SMU1: variants seen among roughly 807,000 people sequenced by gnomAD.
The protein encoded by SMU1 is WD40 repeat-containing protein SMU1.
Under a neutral mutation model 62.0 loss-of-function variants are expected in SMU1, and 2 were observed. That is an observed-to-expected ratio of 0.03 (90% CI 0.01 to 0.10). The LOEUF is 0.10. SMU1 is among the 10% of genes least tolerant of loss of function. The pLI is 1.00. For missense variants in SMU1, 227 were observed against 622.1 expected, an observed-to-expected ratio of 0.36 and a Z score of 6.76; for synonymous variants, 188 against 212.4, an observed-to-expected ratio of 0.89 and a Z score of 1.00.
chr9:33,059,786 A>AT (rs1389199378), intron 6 of SMU1, among the ~76,000 whole-genome samples: 2 of 150,222 alleles, frequency 1.3e-5, no homozygotes, highest in Admixed American at 6.6e-5. Flanking sequence ...TTTTTAGTTT[A>AT]TTTTTAGTAG....
intron 10 of SMU1, among the ~76,000 whole-genome samples, chr9:33,049,284 C>G (rs1489629461): frequency 6.6e-6 from 1 of 152,010 alleles, no homozygotes; most frequent in African/African-American, 2.4e-5. Flanking sequence ...ATACAAAGCC[C>G]AGAAATACAC....
rs1210112956 is a variant in SMU1 at position 33,045,582 on chromosome 9, T to G, written c.*1711A>C. 1 of 152,448 alleles carries G rather than the reference T, an allele frequency of 6.6e-6. No individual in the cohort carries two copies. Among genetic ancestry groups the G allele is most frequent in the Non-Finnish European group, 1.5e-5 (1 of 68,230 alleles). 9.4% of individuals were successfully genotyped at this position (152,448 alleles called of 1,614,324 possible). A position where few individuals can be genotyped will look rare whatever the true frequency, so the allele number is the denominator to read the frequency against. On this transcript the variant is annotated 3_prime_UTR_variant, in exon 12 of 12. Transcript: ENST00000397149. ...TTACAAGGCTGGGCGCAGTGGCTCATGCCTGTAATCCCAGCACTTTGGGAG... is the reference window on the plus strand; with the variant it reads ...TTACAAGGCTGGGCGCAGTGGCTCAGGCCTGTAATCCCAGCACTTTGGGAG...
chr9:33,073,548 G>A, intron 2 of SMU1, 48 bp downstream of exon 2: 3 of 1,410,224 alleles, frequency 2.1e-6, no homozygotes, highest in Non-Finnish European at 3.0e-6. Context: ...TGGGGAGCTG[G>A]CCCACAACGA....
At chr9:33,054,342 C>T (rs918492397) in intron 9 of SMU1, among the ~76,000 whole-genome samples, 1 of 152,030 alleles carries the variant, frequency 6.6e-6, no homozygotes, top group African/African-American at 2.4e-5. Context: ...TAGCTTGAGA[C>T]TCTATCCTGA....
chr9:33,074,235 G>A (rs1248406183), intron 1 of SMU1, among the ~76,000 whole-genome samples: 1 of 152,152 alleles, frequency 6.6e-6, no homozygotes, highest in Admixed American at 6.6e-5. Flanking sequence ...GGCTGAGGCA[G>A]GAGGATTGGC....
intron 3 of SMU1, among the ~76,000 whole-genome samples, chr9:33,070,401 T>C (rs1267762462): frequency 6.6e-6 from 1 of 152,112 alleles, no homozygotes; most frequent in Non-Finnish European, 1.5e-5. Context: ...GGTGAGTAAG[T>C]GGAGAAAAAG....
rs1034517874 is a variant in SMU1 at position 33,069,098 on chromosome 9, T to G, written c.391-164A>C. ...AACTAATTTAGTTTTTGAAAATGAC[T>G]TCCCAATTCTGCCCGCTTGCATTTC... On this transcript the variant is annotated intron_variant, in intron 3 of 11. Transcript: ENST00000397149. The G allele has an allele frequency of 8.9e-6, 7 of 788,542 alleles. No homozygotes were observed. In the African/African-American group the frequency reaches 1.3e-4, roughly 15 times the overall value. The allele number at this position is 788,542 out of a possible 1,614,324, so 48.8% of individuals were successfully genotyped here.
At chr9:33,073,222 T>A (rs939510167) in intron 2 of SMU1, among the ~76,000 whole-genome samples, 16 of 151,850 alleles carry the variant, frequency 1.1e-4, no homozygotes, top group Admixed American at 2.6e-4. Flanking sequence ...TATGGTGAGA[T>A]CCTGTCTCTA....
At chr9:33,056,344 A>G (rs927350219) in intron 8 of SMU1, 105 bp from the exon 9 acceptor site, 5 of 1,180,470 alleles carry the variant, frequency 4.2e-6, no homozygotes, top group African/African-American at 3.1e-5. Flanking sequence ...TCATGTTATA[A>G]TATTAAGTGA....
In SMU1 at chr9:33,051,157, A is replaced by T. The variant is rs1017886455; in HGVS notation, c.1290+1966T>A. 7.9e-5 allele frequency among the ~76,000 whole-genome samples: 12 copies of T among 151,726 alleles called. 2 individuals are homozygous for T. Among genetic ancestry groups the T allele is most frequent in the Admixed American group, 1.3e-4 (2 of 15,232 alleles). On this transcript the variant is annotated intron_variant, in intron 10 of 11. Coordinates refer to ENST00000397149, the MANE Select transcript of SMU1 (RefSeq NM_018225.3). ...AAAATAAAAATAAAAATAAAAAATA[A>T]GCTATCAAACCATGAAAAAACAAGG... is the stretch of plus-strand genomic sequence containing the variant.
chr9:33,055,676 C>T (rs899838977), intron 9 of SMU1, among the ~76,000 whole-genome samples: 2 of 152,140 alleles, frequency 1.3e-5, no homozygotes, highest in Non-Finnish European at 2.9e-5. Flanking sequence ...TCTATAAATG[C>T]TACTAGGAAG....
rs566101069 is a variant in SMU1 at position 33,047,374 on chromosome 9, C to T, written c.1461G>A (p.Val487=). The T allele has an allele frequency of 1.9e-6, 3 of 1,613,814 alleles. No homozygotes were observed. Among genetic ancestry groups the T allele is most frequent in the African/African-American group, 2.7e-5 (2 of 75,012 alleles). Residue 487 remains valine (V), a synonymous_variant, in exon 12 of 12, where the codon GTG becomes GTA. Transcript: ENST00000397149. ...ERTLTVHEKD[V]IGIAHHPHQN... Reference sequence around the variant, plus strand: ...GATGAGGGTGATGTGCAATACCAATCACATCCTTCTCGTGCACCTGGAACA... The same window carrying T: ...GATGAGGGTGATGTGCAATACCAATTACATCCTTCTCGTGCACCTGGAACA...
At chr9:33,060,383 A>C (rs1839349521) in intron 6 of SMU1, 82 bp downstream of exon 6, 1 of 1,220,612 alleles carries the variant, frequency 8.2e-7, no homozygotes, top group South Asian at 1.5e-5. Flanking sequence ...TTTTCAACTA[A>C]TCTGATTTAG....
At chr9:33,052,254 T>C (rs1242932600) in intron 10 of SMU1, among the ~76,000 whole-genome samples, 9 of 142,630 alleles carry the variant, frequency 6.3e-5, no homozygotes, top group Non-Finnish European at 1.1e-4. Flanking sequence ...GATGTTATCA[T>C]TGGAGGAATT....
intron 9 of SMU1, among the ~76,000 whole-genome samples, chr9:33,055,582 T>G (rs1014324005): frequency 6.6e-6 from 1 of 152,192 alleles, no homozygotes; most frequent in African/African-American, 2.4e-5. Context: ...TTAAAGGTAC[T>G]GAAGATCCAT....
chr9:33,073,886 A>C, intron 1 of SMU1, 80 bp from the exon 2 acceptor site: 2 of 1,263,910 alleles, frequency 1.6e-6, no homozygotes, highest in Middle Eastern at 2.0e-4. Flanking sequence ...CTCCTACTCA[A>C]TCATCTTCCT....
At chr9:33,069,756 C>T (rs1016907114) in intron 3 of SMU1, among the ~76,000 whole-genome samples, 1 of 152,104 alleles carries the variant, frequency 6.6e-6, no homozygotes, top group African/African-American at 2.4e-5. Flanking sequence ...GAGCTAAGAT[C>T]GTGCCATTGC....
chr9:33,070,814 G>A (rs1386501283), intron 3 of SMU1, among the ~76,000 whole-genome samples: 4 of 152,134 alleles, frequency 2.6e-5, no homozygotes, highest in African/African-American at 9.7e-5. Flanking sequence ...TTATTTGCAG[G>A]AACTAAAAAT....
At chr9:33,060,692 G>T in intron 5 of SMU1, 108 bp from the exon 6 acceptor site, 3 of 1,427,164 alleles carry the variant, frequency 2.1e-6, no homozygotes, top group Non-Finnish European at 2.9e-6. Flanking sequence ...GTCATAGCTG[G>T]CCCATATTAT....
Sources: gnomAD v4.1 joint callset for allele counts (sites outside exome capture counted in the v4.1 genomes callset) on GRCh38, gnomAD v4.1.1 for gene constraint, MANE v1.5 for transcripts, NCBI Gene and HGNC (gene_info 2026-07-23, HGNC 2026-07-21) for gene names.